Variants in MPDZ observed in about 807,000 individuals in gnomAD.
MPDZ encodes multiple PDZ domain protein.
In MPDZ, 234 loss-of-function variants were observed where a neutral mutation model predicts 239.1. That is an observed-to-expected ratio of 0.98 (90% confidence interval 0.88 to 1.09). MPDZ has a LOEUF of 1.09. MPDZ is among the 50% of genes least tolerant of loss of function. The probability of loss-of-function intolerance (pLI) is 0.00; values close to 1 mark genes in which losing one functional copy is unlikely to be tolerated. For missense variants in MPDZ, 3,175 were observed against 2,510.0 expected (o/e 1.26, Z -5.66); for synonymous variants, 1,048 against 881.3 (o/e 1.19, Z -3.35).
At chr9:13,227,970 G>T (rs1181543404) in intron 3 of MPDZ, among the ~76,000 whole-genome samples, 1 of 152,036 alleles carries the variant, frequency 6.6e-6, no homozygotes, top group Admixed American at 6.6e-5. Flanking sequence ...TATTAAAATG[G>T]CTTTCTGAAC....
In MPDZ at chr9:13,196,161, G is replaced by T. The variant is rs755297040; in HGVS notation, c.1616C>A (p.Thr539Lys). ...DAQKQEAALL[T>K]KWQRIMGINY... Reference sequence around the variant, plus strand: ...AATTCCCATAATCCTTTGCCATTTTGTCAGCAGAGCAGCTTCTTGTTTTTG... The same window carrying T: ...AATTCCCATAATCCTTTGCCATTTTTTCAGCAGAGCAGCTTCTTGTTTTTG... The change falls in exon 13 of 47, where the codon ACA (threonine) becomes AAA (lysine). Residue 539 changes from threonine (T) to lysine (K), a missense_variant. Coordinates refer to ENST00000319217, the MANE Select transcript of MPDZ (RefSeq NM_001378778.1). The T allele has an allele frequency of 6.2e-7, 1 of 1,603,042 alleles. No individual in the cohort carries two copies. The highest frequency in any genetic ancestry group is 8.5e-7 in the Non-Finnish European group (1 of 1,173,802).
chr9:13,243,425 C>G (rs896639649), intron 3 of MPDZ, among the ~76,000 whole-genome samples: 1 of 151,538 alleles, frequency 6.6e-6, no homozygotes, highest in African/African-American at 2.4e-5. Context: ...TTTTAGTAAC[C>G]CAAGGTCCTT....
intron 1 of MPDZ, among the ~76,000 whole-genome samples, chr9:13,255,742 G>T (rs372316353): frequency 1.3e-5 from 2 of 152,144 alleles, no homozygotes; most frequent in Non-Finnish European, 1.5e-5. Context: ...GCTATAAACC[G>T]ATGTGCTGTT....
intron 35 of MPDZ, 34 bp from the exon 36 acceptor site, chr9:13,123,332 A>C (rs1297829034): frequency 6.4e-7 from 1 of 1,553,270 alleles, no homozygotes; most frequent in Admixed American, 1.9e-5. Context: ...TACAAATAAA[A>C]ATTGGTTACT....
At chr9:13,279,281 G>GCCCCCA (rs1975077005) in intron 1 of MPDZ, 119 bp downstream of exon 1, 1 of 44,848 alleles carries the variant, frequency 2.2e-5, no homozygotes, top group African/African-American at 7.7e-5. Flanking sequence ...CCCCATCCCC[G>GCCCCCA]CCCCCACCCC....
intron 21 of MPDZ, 76 bp from the exon 22 acceptor site, chr9:13,168,640 C>A (rs1951392832): frequency 6.3e-6 from 7 of 1,117,654 alleles, no homozygotes; most frequent in Non-Finnish European, 5.0e-6. Context: ...TTAATAATTT[C>A]TATGATTTAT....
At chr9:13,143,119 G>C (rs1947951061) in intron 27 of MPDZ, among the ~76,000 whole-genome samples, 1 of 151,860 alleles carries the variant, frequency 6.6e-6, no homozygotes, top group South Asian at 2.1e-4. Context: ...ATCAACACAT[G>C]GTTTTAAAGA....
At position 13,202,376 on chromosome 9, in the gene MPDZ, T is replaced by TA. The variant is rs534556513; in HGVS notation, c.1546+2659dup. 9.2e-5 allele frequency among the ~76,000 whole-genome samples: 14 copies of TA among 152,294 alleles called. No homozygotes were observed. In the South Asian group the frequency reaches 2.9e-3, roughly 32 times the overall value. ...TTAATCCCAACCTTTCAGTTGTTTC[T>TA]AGGCCAGGAGATGGCTCCATGAGAG... is the stretch of plus-strand genomic sequence containing the variant. On this transcript the variant is annotated intron_variant, in intron 12 of 46. Transcript: ENST00000319217.
chr9:13,219,122 C>T (rs1958733892), intron 8 of MPDZ, among the ~76,000 whole-genome samples: 1 of 151,850 alleles, frequency 6.6e-6, no homozygotes, highest in African/African-American at 2.4e-5. Context: ...GCCCCCACTC[C>T]TCAACCTCCA....
intron 2 of MPDZ, among the ~76,000 whole-genome samples, 153 bp downstream of exon 2, chr9:13,250,147 C>T (rs1207042196): frequency 2.0e-5 from 3 of 152,128 alleles, no homozygotes; most frequent in Non-Finnish European, 4.4e-5. Context: ...AATACAGAAA[C>T]ATATTACCTT....
chr9:13,172,804 T>C lies in MPDZ; in HGVS notation c.3055+2948A>G, dbSNP rs549754707. Among the ~76,000 whole-genome samples, 4 of 152,350 alleles carry C rather than the reference T, an allele frequency of 2.6e-5. No homozygotes were observed. The South Asian group carries it at 6.2e-4, about 24-fold the overall frequency. On this transcript the variant is annotated intron_variant, in intron 21 of 46. Coordinates refer to ENST00000319217, the MANE Select transcript of MPDZ (RefSeq NM_001378778.1). ...ATGTGATGGAAAGGAAGGACACTTC[T>C]ACCTTTCACTGTTTTCTTCCAATAA...
rs1348472722 is a variant in MPDZ, at chr9:13,143,423, T to G, written c.3840+43A>C. On this transcript the variant is annotated intron_variant, in intron 27 of 46. Coordinates refer to ENST00000319217, the MANE Select transcript of MPDZ (RefSeq NM_001378778.1). Reference sequence around the variant, plus strand: ...ACAGTAGTAACAAAGAACAAAACATTTGCAAAAGGCAACCAACAGCAAGAC... The same window carrying G: ...ACAGTAGTAACAAAGAACAAAACATGTGCAAAAGGCAACCAACAGCAAGAC... 2.8e-6 allele frequency: 4 copies of G among 1,441,350 alleles called. No individual in the cohort carries two copies. In the African/African-American group the frequency reaches 4.2e-5, roughly 15 times the overall value. 89.3% of individuals were successfully genotyped at this position (1,441,350 alleles called of 1,614,324 possible).
intron 3 of MPDZ, among the ~76,000 whole-genome samples, chr9:13,228,175 T>C (rs1308322654): frequency 6.6e-6 from 1 of 152,146 alleles, no homozygotes; most frequent in Non-Finnish European, 1.5e-5. Context: ...TTATGGAAGT[T>C]GTTAGTAAAT....
At position 13,123,188 on chromosome 9, in the gene MPDZ, C is replaced by T. The variant is rs1349430229; in HGVS notation, c.4918G>A (p.Gly1640Ser). ...TCTGAACCCCCAACGATGCTCAGGC[C>T]CAGCCCTGTTCGCCCTTTGGAAATC... is the stretch of plus-strand genomic sequence containing the variant. ...IEISKGRTGL[G>S]LSIVGGSDTL... The change falls in exon 36 of 47, where the codon GGC becomes AGC. Residue 1640 changes from glycine to serine, a missense_variant. Coordinates refer to ENST00000319217, the MANE Select transcript of MPDZ (RefSeq NM_001378778.1). 6.2e-7 allele frequency: 1 copy of T among 1,612,938 alleles called. No individual in the cohort carries two copies. Among genetic ancestry groups the T allele is most frequent in the South Asian group, 1.1e-5 (1 of 90,996 alleles).
At chr9:13,222,014 T>G (rs997468459) in intron 6 of MPDZ, among the ~76,000 whole-genome samples, 27 of 152,150 alleles carry the variant, frequency 1.8e-4, no homozygotes, top group Middle Eastern at 3.4e-3. Flanking sequence ...AGGAATGCTG[T>G]CAAAGGACAA....
intron 3 of MPDZ, among the ~76,000 whole-genome samples, chr9:13,228,186 G>C (rs940871194): frequency 2.0e-5 from 3 of 152,064 alleles, no homozygotes; most frequent in African/African-American, 4.8e-5. Flanking sequence ...GTTAGTAAAT[G>C]AGCAAGAGTC....
Position 13,147,553 on chromosome 9 carries a change from G to C in MPDZ, c.3736C>G (p.Pro1246Ala), listed in dbSNP as rs200844814. 8 of 1,610,652 alleles carry C rather than the reference G, an allele frequency of 5.0e-6. No homozygotes were observed. The Admixed American group carries it at 1.2e-4, about 24-fold the overall frequency. ...VFMVQSIINR[P>A]RKSPLPSLLH... ...TGCCCTTTGTGTTCGCTTACCCTTG[G>C]TCTGTTTATAATGCTCTGTACCATA... The change falls in exon 26 of 47, where the codon CCA becomes GCA. Residue 1246 changes from proline to alanine, a missense_variant. Physicochemically the swap from Pro to Ala is conservative, Grantham distance 27. Coordinates refer to ENST00000319217, the MANE Select transcript of MPDZ (RefSeq NM_001378778.1).
At chr9:13,147,402 G>T in intron 26 of MPDZ, 146 bp downstream of exon 26, 1 of 596,600 alleles carries the variant, frequency 1.7e-6, no homozygotes. Flanking sequence ...CTCAATTTCT[G>T]AGAAAGCAAA....
At chr9:13,107,171 C>A in intron 46 of MPDZ, 60 bp from the exon 47 acceptor site, 2 of 1,493,922 alleles carry the variant, frequency 1.3e-6, no homozygotes, top group Admixed American at 1.9e-5. Context: ...CAACTCACAA[C>A]AGAAAAAGAT....
Sources: gnomAD v4.1 joint callset for allele counts (sites outside exome capture counted in the v4.1 genomes callset) on GRCh38, gnomAD v4.1.1 for gene constraint, MANE v1.5 for transcripts, NCBI Gene and HGNC (gene_info 2026-07-23, HGNC 2026-07-21) for gene names.